The following PTPRM variants were observed in gnomAD, a reference collection of about 807,000 sequenced individuals.
PTPRM encodes protein tyrosine phosphatase receptor type M.
A neutral mutation model predicts 186.7 loss-of-function variants in PTPRM; 47 were observed. The ratio of observed to expected loss-of-function variants is 0.25; its 90% CI spans 0.20 to 0.32. The LOEUF is 0.32. Ranked by LOEUF, PTPRM falls within the 10% of genes least tolerant of loss-of-function variation. The pLI is 1.00. For synonymous variants in PTPRM, 668 were observed against 674.9 expected (o/e 0.99, Z 0.16); for missense variants, 1,494 against 1,865.0 (o/e 0.80, Z 3.66).
intron 22 of PTPRM, among the ~76,000 whole-genome samples, chr18:8,338,214 G>A (rs1598356056): frequency 6.7e-6 from 1 of 149,214 alleles, no homozygotes; most frequent in African/African-American, 2.5e-5. Context: ...GAGGCCCTTG[G>A]ATTGGAGTAG....
chr18:8,397,923 C>T lies in PTPRM; in HGVS notation c.4344+3312C>T, dbSNP rs927541939. Among the ~76,000 whole-genome samples the T allele has an allele frequency of 1.5e-4, 23 of 152,326 alleles. 1 individual carries two copies. Among genetic ancestry groups the T allele is most frequent in the African/African-American group, 4.8e-4 (20 of 41,576 alleles). On this transcript the variant is annotated intron_variant, in intron 32 of 32. Coordinates refer to ENST00000580170, the MANE Select transcript of PTPRM (RefSeq NM_001105244.2). ...GAAGACTCCCCTCCACAGCCTAGTGCACTGCCCAGGAAGTGAACAACTGGC... is the reference window on the plus strand; with the variant it reads ...GAAGACTCCCCTCCACAGCCTAGTGTACTGCCCAGGAAGTGAACAACTGGC...
At chr18:8,376,249 T>G (rs769044362) in intron 25 of PTPRM, 49 bp downstream of exon 25, 27 of 1,596,216 alleles carry the variant, frequency 1.7e-5, no homozygotes, top group Non-Finnish European at 8.5e-7. Context: ...GGGTGATGGG[T>G]GCAGGGCCAC....
intron 7 of PTPRM, among the ~76,000 whole-genome samples, chr18:7,983,219 G>T (rs1008064776): frequency 6.6e-6 from 1 of 151,994 alleles, no homozygotes; most frequent in Non-Finnish European, 1.5e-5. Context: ...GATCAGCAGC[G>T]GCCATTAGAT....
chr18:8,166,826 G>A (rs2093330609), intron 14 of PTPRM, among the ~76,000 whole-genome samples: 1 of 152,212 alleles, frequency 6.6e-6, no homozygotes. Context: ...GGTAAAGCCA[G>A]GCTGCTGGTC....
intron 2 of PTPRM, among the ~76,000 whole-genome samples, chr18:7,848,246 A>C (rs1460472298): frequency 1.3e-5 from 2 of 152,180 alleles, no homozygotes; most frequent in East Asian, 3.8e-4. Flanking sequence ...TACTTACTTA[A>C]ATAAGTTGAA....
intron 7 of PTPRM, among the ~76,000 whole-genome samples, chr18:7,982,284 C>CTTTTTTT (rs60537289): frequency 1.5e-5 from 2 of 136,218 alleles, no homozygotes; most frequent in Non-Finnish European, 1.6e-5. Context: ...TAAGTTTTTA[C>CTTTTTTT]TTTTTTTTTT....
chr18:8,236,838 A>G (rs547700375), intron 14 of PTPRM, among the ~76,000 whole-genome samples: 144 of 152,308 alleles, frequency 9.5e-4, no homozygotes, highest in African/African-American at 3.4e-3. Flanking sequence ...CACCTAGTGC[A>G]TAGCCTAACG....
intron 19 of PTPRM, among the ~76,000 whole-genome samples, chr18:8,290,218 G>C (rs923001749): frequency 3.3e-5 from 5 of 152,118 alleles, no homozygotes; most frequent in Non-Finnish European, 5.9e-5. Flanking sequence ...CCTTCTTTCA[G>C]GGTGATGATT....
intron 23 of PTPRM, among the ~76,000 whole-genome samples, chr18:8,348,634 C>A (rs2095518347): frequency 6.6e-6 from 1 of 152,210 alleles, no homozygotes; most frequent in Non-Finnish European, 1.5e-5. Flanking sequence ...TTCCCATTTA[C>A]ACCGTTTGTG....
At chr18:7,858,562 A>C (rs2047199058) in intron 2 of PTPRM, among the ~76,000 whole-genome samples, 1 of 152,208 alleles carries the variant, frequency 6.6e-6, no homozygotes, top group Non-Finnish European at 1.5e-5. Flanking sequence ...GTCTTTTAGA[A>C]AACAAAAAAT....
At chr18:8,052,334 G>A (rs2087564972) in intron 7 of PTPRM, among the ~76,000 whole-genome samples, 1 of 152,066 alleles carries the variant, frequency 6.6e-6, no homozygotes, top group Non-Finnish European at 1.5e-5. Flanking sequence ...TGACATTTTG[G>A]TCAACCGCAG....
chr18:7,657,762 T>G (rs2038885837), intron 1 of PTPRM, among the ~76,000 whole-genome samples: 1 of 152,336 alleles, frequency 6.6e-6, no homozygotes, highest in Admixed American at 6.5e-5. Context: ...AGGTGTTGCA[T>G]TTTTGTTTCG....
chr18:8,294,322 A>T (rs1287408894), intron 19 of PTPRM, among the ~76,000 whole-genome samples: 1 of 152,234 alleles, frequency 6.6e-6, no homozygotes, highest in African/African-American at 2.4e-5. Context: ...ATTGATGCAC[A>T]GCTCCACAGG....
chr18:8,127,801 C>T (rs965138224), intron 13 of PTPRM, among the ~76,000 whole-genome samples: 2 of 152,066 alleles, frequency 1.3e-5, no homozygotes, highest in East Asian at 3.8e-4. Context: ...GCTTTCACCC[C>T]CTAGGAGAGC....
intron 19 of PTPRM, chr18:8,270,334 A>G (rs965375149): frequency 2.0e-5 from 3 of 152,254 alleles, no homozygotes; most frequent in African/African-American, 7.2e-5. Flanking sequence ...GGTGATTAAC[A>G]TCACTAATCA....
chr18:7,715,371 C>T (rs944580507), intron 1 of PTPRM, among the ~76,000 whole-genome samples: 4 of 152,190 alleles, frequency 2.6e-5, no homozygotes, highest in Non-Finnish European at 5.9e-5. Flanking sequence ...ATAATAAGAG[C>T]TATTTATAAC....
intron 1 of PTPRM, among the ~76,000 whole-genome samples, chr18:7,622,984 C>A (rs192016146): frequency 6.6e-6 from 1 of 152,224 alleles, no homozygotes; most frequent in Admixed American, 6.5e-5. Flanking sequence ...AAATCATTTT[C>A]TAAAACTTTC....
chr18:8,016,547 G>GA (rs1174035972), intron 7 of PTPRM, among the ~76,000 whole-genome samples: 3 of 142,308 alleles, frequency 2.1e-5, no homozygotes, highest in South Asian at 2.3e-4. Context: ...AAAAAAAAAA[G>GA]AAAAAAAAGA....
chr18:7,964,308 T>TG (rs2147212027), intron 7 of PTPRM, among the ~76,000 whole-genome samples: 1 of 152,360 alleles, frequency 6.6e-6, no homozygotes, highest in East Asian at 1.9e-4. Flanking sequence ...AGTGTTCCCC[T>TG]GGGAAACTTC....
Sources: allele counts gnomAD v4.1 joint callset (sites outside exome capture counted in the v4.1 genomes callset), GRCh38; gene constraint gnomAD v4.1.1; transcripts MANE v1.5; gene names NCBI Gene and HGNC (gene_info 2026-07-23, HGNC 2026-07-21).